The following WRNIP1 variants were observed in gnomAD, a reference collection of about 807,000 sequenced individuals.
The protein encoded by WRNIP1 is WRN helicase interacting protein 1.
WRNIP1 carries 41 observed loss-of-function variants against 56.1 expected under a neutral mutation model. The ratio of observed to expected loss-of-function variants is 0.73; its 90% CI spans 0.57 to 0.95. The LOEUF (loss-of-function observed/expected upper bound fraction) is 0.95, where lower values mean the gene tolerates loss of function less well. Ranked by LOEUF, WRNIP1 falls within the 40% of genes least tolerant of loss-of-function variation. The pLI is 0.00. For missense variants in WRNIP1, 1,170 were observed against 939.4 expected (o/e 1.25, Z -3.21); for synonymous variants, 547 against 398.1 (o/e 1.37, Z -4.45).
rs553119483 is a variant in WRNIP1, at chr6:2,779,503, C to T, written c.1486+11C>T. ...TATATGACCGGGCAGGTAAGTAATT[C>T]ACCTGTGGAAAGAGTGAAACCATAC... On this transcript the variant is annotated intron_variant, in intron 4 of 6. Transcript: ENST00000380773. The T allele has an allele frequency of 1.2e-4, 200 of 1,608,932 alleles. No individual in the cohort carries two copies. The South Asian group carries it at 1.6e-3, about 13-fold the overall frequency.
At position 2,766,186 on chromosome 6, in the gene WRNIP1, C is replaced by T. The variant is rs777087836; in HGVS notation, c.564C>T (p.His188=). The change falls in exon 1 of 7, where the codon CAC becomes CAT. Residue 188 remains histidine, a synonymous_variant. Transcript: ENST00000380773. ...ADADGEDDPG[H]WDADAAEAAT... ...CGGACGGCGAGGACGACCCGGGGCA[C>T]TGGGACGCGGACGCTGCCGAAGCCG... 17 of 1,386,220 alleles carry T rather than the reference C, an allele frequency of 1.2e-5. No homozygotes were observed. The South Asian group carries it at 2.7e-4, about 22-fold the overall frequency. The allele number at this position is 1,386,220 out of a possible 1,614,324, so 85.9% of individuals were successfully genotyped here.
intron 4 of WRNIP1, among the ~76,000 whole-genome samples, chr6:2,782,287 G>C (rs979485415): frequency 1.3e-5 from 2 of 152,252 alleles, no homozygotes; most frequent in Non-Finnish European, 2.9e-5. Context: ...CTGCACAGGA[G>C]ACACTCAGTT....
chr6:2,768,578 C>T (rs1765132306), intron 1 of WRNIP1, 113 bp from the exon 2 acceptor site: 3 of 790,358 alleles, frequency 3.8e-6, no homozygotes, highest in East Asian at 2.9e-5. Flanking sequence ...AGCATTCTTC[C>T]GAGGTCAAGT....
intron 5 of WRNIP1, 85 bp from the exon 6 acceptor site, chr6:2,784,239 G>T: frequency 7.8e-7 from 1 of 1,282,762 alleles, no homozygotes; most frequent in Non-Finnish European, 1.1e-6. Context: ...TGTACAAGCA[G>T]TGGTGGTCTG....
At chr6:2,776,221 A>G (rs1163240181) in intron 3 of WRNIP1, among the ~76,000 whole-genome samples, 1 of 152,192 alleles carries the variant, frequency 6.6e-6, no homozygotes, top group Non-Finnish European at 1.5e-5. Context: ...TTCAGAACTT[A>G]GTAAATGGGA....
At chr6:2,784,430 A>C in intron 6 of WRNIP1, 27 bp downstream of exon 6, 5 of 1,608,460 alleles carry the variant, frequency 3.1e-6, no homozygotes, top group African/African-American at 1.3e-5. Context: ...ATTTCTTGCA[A>C]ATCACTTCTT....
rs1765619939 is a variant in WRNIP1 at position 2,783,447 on chromosome 6, A to G, written c.1528A>G (p.Met510Val). The change falls in exon 5 of 7, where the codon ATG becomes GTG. Residue 510 changes from methionine (M) to valine (V), a missense_variant. By Grantham distance (21) the Met-to-Val change is conservative (BLOSUM62 1). Transcript: ENST00000380773. ...CTGCATCTCCGCCCTGCACAAGTCC[A>G]TGCGGGGCTCAGACCAGAACGCCTC... ...YNCISALHKS[M>V]RGSDQNASLY... The G allele has an allele frequency of 1.9e-6, 3 of 1,613,458 alleles. No homozygotes were observed. Among genetic ancestry groups the G allele is most frequent in the Non-Finnish European group, 2.5e-6 (3 of 1,179,650 alleles).
chr6:2,766,398 A>T lies in WRNIP1; in HGVS notation c.776A>T (p.Asn259Ile). 1 of 1,606,672 alleles carries T rather than the reference A, an allele frequency of 6.2e-7. No homozygotes were observed. Among genetic ancestry groups the T allele is most frequent in the East Asian group, 2.2e-5 (1 of 44,582 alleles). ...DTLLRSLLET[N>I]EIPSLILWGP... ...CTGCTGCGCTCGCTCCTGGAGACCA[A>T]CGAAATCCCCTCGCTTATCCTGTGG... The change falls in exon 1 of 7, where the codon AAC becomes ATC. Residue 259 changes from asparagine to isoleucine, a missense_variant. Physicochemically the swap from Asn to Ile is moderately radical, Grantham distance 149 (BLOSUM62 -3). Transcript: ENST00000380773.
Position 2,766,248 on chromosome 6 carries a change from A to AC in WRNIP1, c.631dup (p.Arg211ProfsTer24), listed in dbSNP as rs1764975023. 1 of 1,489,078 alleles carries AC rather than the reference A, an allele frequency of 6.7e-7. No homozygotes were observed. The allele number at this position is 1,489,078 out of a possible 1,614,324, so 92.2% of individuals were successfully genotyped here. A position where few individuals can be genotyped will look rare whatever the true frequency, so the allele number is the denominator to read the frequency against. Reference sequence around the variant, plus strand: ...GGGGCCAGTGGCGGGGGCCGCCCGCACCCCCGGGCGCTGGCTGCCGAGGAG... The same window carrying AC: ...GGGGCCAGTGGCGGGGGCCGCCCGCACCCCCCGGGCGCTGGCTGCCGAGGAG... On this transcript the variant is annotated frameshift_variant, in exon 1 of 7. Transcript: ENST00000380773. LOFTEE classifies it high-confidence loss of function.
chr6:2,784,597 G>A lies in WRNIP1; in HGVS notation c.1722+194G>A, dbSNP rs575697420. Among the ~76,000 whole-genome samples the A allele has an allele frequency of 2.6e-5, 4 of 152,246 alleles. No individual in the cohort carries two copies. In the East Asian group the frequency reaches 7.7e-4, roughly 29 times the overall value. On this transcript the variant is annotated intron_variant, in intron 6 of 6. Transcript: ENST00000380773. ...AAACCTTCTGTGTCAACGAGGTCATGTTTCAAACTGTTCTCGGGATTCCGG... is the reference window on the plus strand; with the variant it reads ...AAACCTTCTGTGTCAACGAGGTCATATTTCAAACTGTTCTCGGGATTCCGG...
At chr6:2,771,524 T>C (rs1488121802) in intron 3 of WRNIP1, among the ~76,000 whole-genome samples, 1 of 152,344 alleles carries the variant, frequency 6.6e-6, no homozygotes, top group African/African-American at 2.4e-5. Flanking sequence ...CTAAGGGGGC[T>C]GCCAGCTCCT....
intron 4 of WRNIP1, among the ~76,000 whole-genome samples, chr6:2,782,185 C>T (rs886723950): frequency 6.6e-6 from 1 of 152,236 alleles, no homozygotes; most frequent in African/African-American, 2.4e-5. Context: ...CCTGGGCCAG[C>T]AGGGTGAGGG....
intron 2 of WRNIP1, among the ~76,000 whole-genome samples, chr6:2,769,684 G>A (rs986266455): frequency 2.0e-5 from 3 of 152,070 alleles, no homozygotes; most frequent in African/African-American, 7.2e-5. Context: ...AGCATAATAG[G>A]AATAATAATA....
At chr6:2,777,860 C>T (rs554546658) in intron 3 of WRNIP1, among the ~76,000 whole-genome samples, 2 of 152,108 alleles carry the variant, frequency 1.3e-5, no homozygotes, top group Non-Finnish European at 2.9e-5. Context: ...GAAGATGGGT[C>T]TCCAGGCTGC....
chr6:2,774,780 G>C (rs913436965), intron 3 of WRNIP1, among the ~76,000 whole-genome samples: 7 of 152,190 alleles, frequency 4.6e-5, no homozygotes, highest in Admixed American at 1.3e-4. Flanking sequence ...TCTTTGTGGA[G>C]AAAGTCAGTT....
chr6:2,770,110 C>T lies in WRNIP1; in HGVS notation c.1015-10C>T. Reference sequence around the variant, plus strand: ...GGAATCACTTTTTTCTGTTTTCCTCCCATGATTAGGACACTTTCCTTCCTC... The same window carrying T: ...GGAATCACTTTTTTCTGTTTTCCTCTCATGATTAGGACACTTTCCTTCCTC... On this transcript the variant is annotated splice_polypyrimidine_tract_variant and intron_variant, in intron 2 of 6. Coordinates refer to ENST00000380773, the MANE Select transcript of WRNIP1 (RefSeq NM_020135.3). The T allele has an allele frequency of 6.2e-7, 1 of 1,613,990 alleles. No individual in the cohort carries two copies. The highest frequency in any genetic ancestry group is 2.2e-5 in the East Asian group (1 of 44,890).
intron 3 of WRNIP1, among the ~76,000 whole-genome samples, chr6:2,774,676 C>T (rs1404064240): frequency 6.6e-6 from 1 of 152,200 alleles, no homozygotes; most frequent in African/African-American, 2.4e-5. Context: ...ATTCAACCCA[C>T]TACAGACCCC....
chr6:2,770,481 C>T (rs1765233690), intron 3 of WRNIP1, 120 bp downstream of exon 3: 3 of 1,373,160 alleles, frequency 2.2e-6, no homozygotes, highest in Middle Eastern at 2.5e-4. Context: ...AAATGTTGAT[C>T]CGCCCGTAAT....
rs777545261 is a variant in WRNIP1, at chr6:2,766,284, T to C, written c.662T>C (p.Met221Thr). The change falls in exon 1 of 7, where the codon ATG (methionine) becomes ACG (threonine). Residue 221 changes from methionine to threonine, a missense_variant. Coordinates refer to ENST00000380773, the MANE Select transcript of WRNIP1 (RefSeq NM_020135.3). Reference sequence around the variant, plus strand: ...CTGGCTGCCGAGGAGATCCGACAGATGCTACAGGGCAAGCCGCTGGCCGAC... The same window carrying C: ...CTGGCTGCCGAGGAGATCCGACAGACGCTACAGGGCAAGCCGCTGGCCGAC... ...RALAAEEIRQ[M>T]LQGKPLADTM... The C allele has an allele frequency of 6.3e-7, 1 of 1,593,182 alleles. No homozygotes were observed. The highest frequency in any genetic ancestry group is 1.1e-5 in the South Asian group (1 of 88,000).
Sources: allele counts gnomAD v4.1 joint callset (sites outside exome capture counted in the v4.1 genomes callset), GRCh38; gene constraint gnomAD v4.1.1; transcripts MANE v1.5; gene names NCBI Gene and HGNC (gene_info 2026-07-23, HGNC 2026-07-21).